Variants in CCP110 observed in about 807,000 individuals in gnomAD.
CCP110 encodes centriolar coiled-coil protein 110.
CCP110 carries 43 observed loss-of-function variants against 105.5 expected under a neutral mutation model. The ratio of observed to expected loss-of-function variants is 0.41; its 90% confidence interval spans 0.32 to 0.53. The LOEUF is 0.53. CCP110 is among the 20% of genes least tolerant of loss of function. The pLI, the probability that CCP110 is intolerant of heterozygous loss-of-function variation, is 0.32. For missense variants in CCP110, 1,016 were observed against 1,189.1 expected (o/e 0.85, Z 2.14); for synonymous variants, 353 against 392.1 (o/e 0.90, Z 1.18).
chr16:19,542,665 G>A (rs757100100), exon 7 of CCP110: 12 of 1,612,564 alleles, frequency 7.4e-6, no homozygotes, highest in East Asian at 6.7e-5. Context: ...TTCTGCAAAC[G>A]AAGCACCATT....
rs1164690143 is a variant in CCP110, at chr16:19,538,302, C to CTTTTTTTTTTTTTTTTTTTTTTTTTT, written c.1918+718_1918+743dup. 3.6e-5 allele frequency among the ~76,000 whole-genome samples: 2 copies of CTTTTTTTTTTTTTTTTTTTTTTTTTT among 55,246 alleles called. 1 individual carries two copies. The highest frequency in any genetic ancestry group is 1.8e-4 in the African/African-American group (2 of 11,078). The allele number at this position is 55,246 out of a possible 152,430, so 36.2% of individuals were successfully genotyped here. A position where few individuals can be genotyped will look rare whatever the true frequency, so the allele number is the denominator to read the frequency against. ...ATATTAATAATTGGAGGAAACAGTTCTTTTTTTTTTTTTTTTTTTTTTTTT... is the reference window on the plus strand; with the variant it reads ...ATATTAATAATTGGAGGAAACAGTTCTTTTTTTTTTTTTTTTTTTTTTTTTTTTTTTTTTTTTTTTTTTTTTTTTTT... On this transcript the variant is annotated intron_variant, in intron 4 of 14. Transcript: ENST00000381396.
At chr16:19,534,066 C>A (rs1969968080) in intron 3 of CCP110, among the ~76,000 whole-genome samples, 1 of 152,140 alleles carries the variant, frequency 6.6e-6, no homozygotes, top group South Asian at 2.1e-4. Flanking sequence ...CATAGTGACT[C>A]TCATGTGACA....
rs1970540516 is a variant in CCP110 at position 19,548,664 on chromosome 16, C to G, written c.2986+64C>G. On this transcript the variant is annotated intron_variant, in intron 14 of 14. Coordinates refer to ENST00000381396, the Ensembl canonical transcript of CCP110. The surrounding 1 kb of genome is among the most constrained non-coding windows in gnomAD (Gnocchi z 4.1). ...AGGAAGTGCACAAGCTGCCCCATAA[C>G]TCAGGCCATAGAAGTGGAATAGATT... The G allele has an allele frequency of 9.8e-7, 1 of 1,015,928 alleles. No individual in the cohort carries two copies. Among genetic ancestry groups the G allele is most frequent in the African/African-American group, 1.6e-5 (1 of 61,936 alleles). 62.9% of individuals were successfully genotyped at this position (1,015,928 alleles called of 1,614,324 possible). A position where few individuals can be genotyped will look rare whatever the true frequency, so the allele number is the denominator to read the frequency against.
In CCP110 at chr16:19,536,057, CA is replaced by C. The variant is rs1970041284; in HGVS notation, c.389del (p.His130LeufsTer13). 1 of 1,613,674 alleles carries C rather than the reference CA, an allele frequency of 6.2e-7. No homozygotes were observed. Among genetic ancestry groups the C allele is most frequent in the African/African-American group, 1.3e-5 (1 of 74,890 alleles). On this transcript the variant is annotated frameshift_variant, in exon 4 of 15. Transcript: ENST00000381396. LOFTEE classifies it high-confidence loss of function. ...TACATTTCCAAATAGCTTTCCAAGCCATACGGAACACTCTACTGCAGCAAAG... is the reference window on the plus strand; with the variant it reads ...TACATTTCCAAATAGCTTTCCAAGCCTACGGAACACTCTACTGCAGCAAAG...
At chr16:19,549,646 G>A (rs1970571082) in intron 14 of CCP110, among the ~76,000 whole-genome samples, 1 of 152,230 alleles carries the variant, frequency 6.6e-6, no homozygotes, top group African/African-American at 2.4e-5. Context: ...GTCAGAATAA[G>A]CTAGTTTGAA....
At chr16:19,531,516 T>G (rs549172956) in intron 2 of CCP110, among the ~76,000 whole-genome samples, 1 of 152,198 alleles carries the variant, frequency 6.6e-6, no homozygotes, top group Non-Finnish European at 1.5e-5. Context: ...TAGAGTGAGG[T>G]GAAAGAAAAG....
exon 15 of CCP110, chr16:19,552,941 A>T (rs928922339): frequency 3.3e-5 from 5 of 152,224 alleles, no homozygotes; most frequent in African/African-American, 7.2e-5. Flanking sequence ...CCAATTTTTT[A>T]AAATTTATAG....
At chr16:19,532,524 G>C (rs572954187) in exon 3 of CCP110, 1 of 1,608,228 alleles carries the variant, frequency 6.2e-7, no homozygotes, top group Non-Finnish European at 8.5e-7. Flanking sequence ...TCGTGTCCAG[G>C]AGATTCTTGA....
intron 3 of CCP110, among the ~76,000 whole-genome samples, chr16:19,532,962 G>A (rs1156964798): frequency 2.0e-5 from 3 of 152,046 alleles, no homozygotes; most frequent in African/African-American, 7.2e-5. Context: ...AAAACTCTTA[G>A]ATACACAAAA....
chr16:19,536,080 A>C, exon 4 of CCP110: 1 of 1,614,146 alleles, frequency 6.2e-7, no homozygotes, highest in South Asian at 1.1e-5. Context: ...CTACTGCAGC[A>C]AAGCTTGATA....
exon 3 of CCP110, chr16:19,532,418 T>G (rs373711598): frequency 1.3e-6 from 2 of 1,591,306 alleles, no homozygotes; most frequent in Non-Finnish European, 1.7e-6. Context: ...TTTTGCAGCT[T>G]AACATTGAGA....
At chr16:19,541,891 TAGA>T (rs1567361135) in exon 6 of CCP110, 1 of 1,577,038 alleles carries the variant, frequency 6.3e-7, no homozygotes, top group East Asian at 2.2e-5. Flanking sequence ...GTATAGGAAA[TAGA>T]AGAGCAGGAG....
exon 3 of CCP110, chr16:19,532,476 G>A: frequency 6.2e-7 from 1 of 1,610,768 alleles, no homozygotes; most frequent in Non-Finnish European, 8.5e-7. Flanking sequence ...TGATGTAGAA[G>A]CAAGAAAGCA....
chr16:19,551,202 A>T, exon 15 of CCP110: 2 of 1,608,196 alleles, frequency 1.2e-6, no homozygotes, highest in Non-Finnish European at 1.7e-6. Context: ...TTAGGAGTAT[A>T]TGCAGGAAAA....
At chr16:19,544,925 T>C in intron 9 of CCP110, 27 bp downstream of exon 9, 1 of 1,216,320 alleles carries the variant, frequency 8.2e-7, no homozygotes, top group Non-Finnish European at 1.2e-6. Flanking sequence ...TGAAGGCTTT[T>C]AAGACATGGA....
At chr16:19,532,658 C>T in intron 3 of CCP110, 114 bp downstream of exon 3, 5 of 819,934 alleles carry the variant, frequency 6.1e-6, no homozygotes, top group South Asian at 2.0e-5. Flanking sequence ...TTTACTGTTA[C>T]GTTTGAGAAG....
At chr16:19,545,474 C>G (rs1265487102) in intron 10 of CCP110, among the ~76,000 whole-genome samples, 3 of 151,966 alleles carry the variant, frequency 2.0e-5, no homozygotes, top group Admixed American at 2.0e-4. Flanking sequence ...ATCAGCTGCT[C>G]CTGATTGAAT....
exon 9 of CCP110, chr16:19,544,898 G>A: frequency 6.7e-7 from 1 of 1,501,652 alleles, no homozygotes; most frequent in Non-Finnish European, 9.2e-7. Context: ...TGTTAGCTCA[G>A]GTAAATACAT....
At chr16:19,545,201 C>T in exon 10 of CCP110, 2 of 1,564,216 alleles carry the variant, frequency 1.3e-6, no homozygotes, top group Non-Finnish European at 1.8e-6. Flanking sequence ...AGAAAATGCT[C>T]AGGCAAATGG....
Sources: gnomAD v4.1 joint callset for allele counts (sites outside exome capture counted in the v4.1 genomes callset) on GRCh38, gnomAD v4.1.1 for gene constraint, Gnocchi (gnomAD v3.1) non-coding constraint, MANE v1.5 for transcripts, NCBI Gene and HGNC (gene_info 2026-07-23, HGNC 2026-07-21) for gene names.